Variants in AK7 observed in about 807,000 individuals in gnomAD.
AK7 encodes adenylate kinase 7.
In AK7, 78 loss-of-function variants were observed where a neutral mutation model predicts 96.6. That is an observed-to-expected ratio of 0.81 (90% CI 0.67 to 0.97). The LOEUF (loss-of-function observed/expected upper bound fraction) is 0.97. AK7 is among the 50% of genes least tolerant of loss of function. The pLI, the probability that AK7 is intolerant of heterozygous loss-of-function variation, is 0.00. For synonymous variants in AK7, 302 were observed against 317.2 expected, an observed-to-expected ratio of 0.95 and a Z score of 0.51; for missense variants, 855 against 887.9, an observed-to-expected ratio of 0.96 and a Z score of 0.47.
At chr14:96,440,701 A>C (rs1892914587) in intron 6 of AK7, among the ~76,000 whole-genome samples, 1 of 152,178 alleles carries the variant, frequency 6.6e-6, no homozygotes, top group Non-Finnish European at 1.5e-5. Context: ...GCAAACCAAA[A>C]AGTTTCTGAG....
At chr14:96,474,602 G>A (rs1595460724) in intron 14 of AK7, among the ~76,000 whole-genome samples, 1 of 151,910 alleles carries the variant, frequency 6.6e-6, no homozygotes, top group East Asian at 1.9e-4. Context: ...TCCAGCCTGG[G>A]CAACAGAGCA....
intron 4 of AK7, among the ~76,000 whole-genome samples, chr14:96,417,275 TTTAGCATAC>T (rs1265395833): frequency 7.1e-6 from 1 of 140,740 alleles, no homozygotes; most frequent in Non-Finnish European, 1.5e-5. Context: ...TGAATAATTG[TTTAGCATAC>T]CTATACCCTG....
chr14:96,470,523 A>G, intron 12 of AK7, among the ~76,000 whole-genome samples: 1 of 152,138 alleles, frequency 6.6e-6, no homozygotes. Flanking sequence ...CCACTGTGCC[A>G]GTTTTAGAAC....
intron 8 of AK7, 86 bp from the exon 9 acceptor site, chr14:96,449,716 G>A (rs1893471603): frequency 7.1e-6 from 7 of 983,070 alleles, no homozygotes; most frequent in Admixed American, 6.2e-5. Context: ...TTACAGGCGT[G>A]AGCCACTGCG....
chr14:96,457,440 T>C (rs958862128), intron 11 of AK7, among the ~76,000 whole-genome samples: 4 of 152,220 alleles, frequency 2.6e-5, no homozygotes, highest in African/African-American at 9.6e-5. Context: ...AACAAGCAAC[T>C]AATTTTGTAT....
intron 2 of AK7, chr14:96,398,488 G>T: frequency 1.8e-6 from 1 of 565,280 alleles, no homozygotes; most frequent in Non-Finnish European, 3.2e-6. Context: ...TGGAAAGGAT[G>T]GATCTAAGTT....
intron 2 of AK7, among the ~76,000 whole-genome samples, chr14:96,401,080 A>G (rs1192769763): frequency 1.3e-5 from 2 of 151,978 alleles, no homozygotes; most frequent in African/African-American, 2.4e-5. Context: ...TTCCATTCTC[A>G]TAGCCATGTG....
At chr14:96,456,580 A>C (rs568800710) in intron 11 of AK7, 105 bp downstream of exon 11, 1 of 1,364,150 alleles carries the variant, frequency 7.3e-7, no homozygotes, top group South Asian at 1.3e-5. Flanking sequence ...TGCAGTTTAG[A>C]TGATCCCAAT....
At chr14:96,460,141 A>G (rs1022949512) in intron 12 of AK7, among the ~76,000 whole-genome samples, 1 of 152,198 alleles carries the variant, frequency 6.6e-6, no homozygotes, top group Admixed American at 6.5e-5. Context: ...AGTCTGTTCC[A>G]ATCAAATAAT....
chr14:96,466,009 C>CAAAAA (rs528356355), intron 12 of AK7, among the ~76,000 whole-genome samples: 1 of 107,816 alleles, frequency 9.3e-6, no homozygotes, highest in Admixed American at 1.0e-4. Context: ...GACTCCATCT[C>CAAAAA]AAAAAAAAAA....
intron 5 of AK7, among the ~76,000 whole-genome samples, chr14:96,437,075 T>G (rs974255298): frequency 6.4e-4 from 55 of 86,304 alleles, no homozygotes; most frequent in Admixed American, 1.3e-3. Context: ...TAGTAGGGGG[T>G]GGGGGGAGGG....
chr14:96,474,113 C>T (rs1008282245), intron 14 of AK7, among the ~76,000 whole-genome samples: 3 of 152,054 alleles, frequency 2.0e-5, no homozygotes, highest in Non-Finnish European at 2.9e-5. Flanking sequence ...GTCATATGAT[C>T]GCTAGAAGAA....
chr14:96,482,339 G>T (rs1306982942), intron 15 of AK7, among the ~76,000 whole-genome samples: 1 of 152,170 alleles, frequency 6.6e-6, no homozygotes, highest in Non-Finnish European at 1.5e-5. Flanking sequence ...GTCTGAAGGG[G>T]CTTAGTACCA....
chr14:96,465,768 T>C (rs1190970763), intron 12 of AK7, among the ~76,000 whole-genome samples: 1 of 151,830 alleles, frequency 6.6e-6, no homozygotes, highest in Non-Finnish European at 1.5e-5. Flanking sequence ...TCCCAGCACT[T>C]TGGGAGGCCG....
intron 9 of AK7, 138 bp downstream of exon 9, chr14:96,450,017 C>A: frequency 1.5e-6 from 1 of 648,612 alleles, no homozygotes. Flanking sequence ...GCCTGGGTTC[C>A]AATGCCATCT....
intron 9 of AK7, among the ~76,000 whole-genome samples, chr14:96,450,768 CTTTTTT>C (rs937558741): frequency 4.7e-4 from 44 of 93,178 alleles, no homozygotes; most frequent in African/African-American, 1.8e-3. Flanking sequence ...ATATTTTTCT[CTTTTTT>C]TTTTTTTTTT....
In AK7 at chr14:96,399,815, G is replaced by GT. The variant is rs1343790161; in HGVS notation, c.294+1556dup. Reference sequence around the variant, plus strand: ...TTTCCTCTTTTACCCTTTAAATGCGGTTTTCCCCAGAGCTCACTCCCTTCC... The same window carrying GT: ...TTTCCTCTTTTACCCTTTAAATGCGGTTTTTCCCCAGAGCTCACTCCCTTCC... On this transcript the variant is annotated intron_variant, in intron 2 of 17. Transcript: ENST00000267584. This position sits in a 1 kb window ranked among gnomAD's most constrained non-coding sequence, Gnocchi z 4.1. 1.3e-5 allele frequency among the ~76,000 whole-genome samples: 2 copies of GT among 151,882 alleles called. No individual in the cohort carries two copies. Among genetic ancestry groups the GT allele is most frequent in the African/African-American group, 4.8e-5 (2 of 41,336 alleles).
intron 8 of AK7, among the ~76,000 whole-genome samples, chr14:96,448,271 A>G (rs1178862640): frequency 1.3e-5 from 2 of 152,160 alleles, no homozygotes; most frequent in Non-Finnish European, 2.9e-5. Flanking sequence ...ACAAAATACC[A>G]TAAACCGAGT....
chr14:96,456,495 T>C lies in AK7; in HGVS notation c.1227+20T>C. On this transcript the variant is annotated intron_variant, in intron 11 of 17. Transcript: ENST00000267584. The stretch of plus-strand genomic sequence containing the variant: ...AAACTGGTAACACTTTAAACTATTT[T>C]CCTGGGCATTTTAATTAATTACTGT... 6.2e-7 allele frequency: 1 copy of C among 1,609,820 alleles called. No individual in the cohort carries two copies. Among genetic ancestry groups the C allele is most frequent in the Non-Finnish European group, 8.5e-7 (1 of 1,177,232 alleles).
Sources: allele counts gnomAD v4.1 joint callset (sites outside exome capture counted in the v4.1 genomes callset), GRCh38; gene constraint gnomAD v4.1.1; non-coding constraint Gnocchi (gnomAD v3.1); transcripts MANE v1.5; gene names NCBI Gene and HGNC (gene_info 2026-07-23, HGNC 2026-07-21).